PTPRD: variants seen among roughly 807,000 people sequenced by gnomAD.
The protein encoded by PTPRD is receptor-type tyrosine-protein phosphatase delta.
Under a neutral mutation model 214.5 loss-of-function variants are expected in PTPRD, and 34 were observed. The observed-to-expected ratio is 0.16, with a 90% CI of 0.12 to 0.21. The LOEUF (loss-of-function observed/expected upper bound fraction) is 0.21. Among genes scored for constraint, PTPRD ranks in the 10% least tolerant of loss-of-function variants. PTPRD has a pLI of 1.00. For synonymous variants in PTPRD, 1,128 were observed against 845.7 expected, an observed-to-expected ratio of 1.33 and a Z score of -5.79; for missense variants, 2,545 against 2,398.7, an observed-to-expected ratio of 1.06 and a Z score of -1.27.
At chr9:9,479,084 T>C (rs2095266626) in intron 8 of PTPRD, among the ~76,000 whole-genome samples, 1 of 152,064 alleles carries the variant, frequency 6.6e-6, no homozygotes. Context: ...TTTTCTTTCA[T>C]AATGTGTACT....
intron 3 of PTPRD, among the ~76,000 whole-genome samples, chr9:10,213,500 T>C (rs1401403863): frequency 6.6e-6 from 1 of 152,100 alleles, no homozygotes; most frequent in Non-Finnish European, 1.5e-5. Context: ...TAACCAAGAA[T>C]GGGGAAGTTT....
At chr9:10,470,031 C>T (rs79562431) in intron 2 of PTPRD, among the ~76,000 whole-genome samples, 5 of 151,404 alleles carry the variant, frequency 3.3e-5, no homozygotes, top group Non-Finnish European at 5.9e-5. Flanking sequence ...AATAAAGAGG[C>T]GTTGGTTAAC....
chr9:9,420,351 A>G (rs979906914), intron 8 of PTPRD, among the ~76,000 whole-genome samples: 3 of 151,814 alleles, frequency 2.0e-5, no homozygotes, highest in East Asian at 3.9e-4. Flanking sequence ...TTCATTGCTG[A>G]AAATAGGTAG....
intron 5 of PTPRD, among the ~76,000 whole-genome samples, chr9:9,905,570 C>A (rs999271978): frequency 6.6e-6 from 1 of 151,770 alleles, no homozygotes; most frequent in East Asian, 1.9e-4. Context: ...AATAACTATA[C>A]ACATGTGTTC....
At chr9:8,639,001 C>T (rs1255622260) in intron 12 of PTPRD, among the ~76,000 whole-genome samples, 3 of 152,082 alleles carry the variant, frequency 2.0e-5, no homozygotes, top group Non-Finnish European at 4.4e-5. Context: ...TACCACCACG[C>T]TCAGCTAATT....
At chr9:9,891,297 T>A (rs2073238281) in intron 5 of PTPRD, among the ~76,000 whole-genome samples, 1 of 152,140 alleles carries the variant, frequency 6.6e-6, no homozygotes, top group Non-Finnish European at 1.5e-5. Context: ...TATTTTAGAC[T>A]TTTTGTTCCA....
intron 6 of PTPRD, among the ~76,000 whole-genome samples, chr9:9,759,665 C>T (rs573080056): frequency 1.4e-5 from 2 of 148,116 alleles, no homozygotes; most frequent in South Asian, 4.3e-4. Flanking sequence ...TCAAGCAATT[C>T]TCTTGCCTCA....
intron 11 of PTPRD, among the ~76,000 whole-genome samples, chr9:8,892,001 T>C (rs1189333684): frequency 2.0e-5 from 3 of 152,208 alleles, no homozygotes; most frequent in African/African-American, 4.8e-5. Context: ...GTTTTCTTCT[T>C]ATTCGTTCAC....
At chr9:9,381,472 C>T (rs1315986374) in intron 9 of PTPRD, among the ~76,000 whole-genome samples, 1 of 150,664 alleles carries the variant, frequency 6.6e-6, no homozygotes, top group Middle Eastern at 3.2e-3. Context: ...GTAATCTTCT[C>T]ACTATGGCCT....
chr9:9,529,561 C>T (rs2075003555), intron 8 of PTPRD, among the ~76,000 whole-genome samples: 1 of 151,890 alleles, frequency 6.6e-6, no homozygotes, highest in African/African-American at 2.4e-5. Context: ...AAATGCAAAA[C>T]AAAACCACAG....
At chr9:10,285,971 TAGA>T (rs1565035346) in intron 3 of PTPRD, among the ~76,000 whole-genome samples, 1 of 152,142 alleles carries the variant, frequency 6.6e-6, no homozygotes, top group East Asian at 1.9e-4. Context: ...TAGGATTATG[TAGA>T]AGATTAACTT....
Position 8,316,968 on chromosome 9 carries a change from T to A in PTPRD, c.*906A>T. 1 of 231,556 alleles carries A rather than the reference T, an allele frequency of 4.3e-6. No homozygotes were observed. 14.3% of individuals were successfully genotyped at this position (231,556 alleles called of 1,614,324 possible). A position where few individuals can be genotyped will look rare whatever the true frequency, so the allele number is the denominator to read the frequency against. On this transcript the variant is annotated 3_prime_UTR_variant, in exon 46 of 46. Coordinates refer to ENST00000381196, the MANE Select transcript of PTPRD (RefSeq NM_002839.4). ...TATACATAGACACCCTTATAAAATA[T>A]GGATATATATGTATATATGTTAGCA...
chr9:9,701,936 T>A (rs1010060805), intron 7 of PTPRD, among the ~76,000 whole-genome samples: 1 of 152,012 alleles, frequency 6.6e-6, no homozygotes. Context: ...CTGGCCAACA[T>A]GGTGAAACTC....
chr9:10,139,153 C>T (rs11525900), intron 3 of PTPRD, among the ~76,000 whole-genome samples: 34,662 of 151,738 alleles, frequency 0.23, 4,169 homozygotes, highest in South Asian at 0.39. Context: ...AGGAAGATTC[C>T]CCCAAAAGGC....
At chr9:9,165,094 T>G (rs2130702961) in intron 10 of PTPRD, among the ~76,000 whole-genome samples, 1 of 152,148 alleles carries the variant, frequency 6.6e-6, no homozygotes, top group South Asian at 2.1e-4. Flanking sequence ...TACTGGTTTC[T>G]TTTTAAAAAA....
intron 5 of PTPRD, among the ~76,000 whole-genome samples, chr9:9,924,763 C>T (rs973191280): frequency 6.6e-6 from 1 of 152,032 alleles, no homozygotes; most frequent in African/African-American, 2.4e-5. Flanking sequence ...TTAGCTTATT[C>T]CCTTTGACAG....
At chr9:9,321,091 C>A (rs1041311124) in intron 9 of PTPRD, among the ~76,000 whole-genome samples, 15 of 152,222 alleles carry the variant, frequency 9.9e-5, no homozygotes, top group African/African-American at 3.1e-4. Context: ...CACTGAGACA[C>A]AAATTAACAT....
At chr9:9,809,635 C>T (rs1461834044) in intron 5 of PTPRD, among the ~76,000 whole-genome samples, 3 of 152,084 alleles carry the variant, frequency 2.0e-5, no homozygotes, top group Non-Finnish European at 4.4e-5. Context: ...GTCAGTTGTT[C>T]ATGAGAGGGG....
chr9:9,952,073 T>A (rs994791468), intron 4 of PTPRD, among the ~76,000 whole-genome samples: 5 of 152,116 alleles, frequency 3.3e-5, no homozygotes, highest in Non-Finnish European at 7.4e-5. Context: ...AGGCTGAGGA[T>A]GGTAGTAAAA....
Sources: allele counts gnomAD v4.1 joint callset (sites outside exome capture counted in the v4.1 genomes callset), GRCh38; gene constraint gnomAD v4.1.1; transcripts MANE v1.5; gene names NCBI Gene and HGNC (gene_info 2026-07-23, HGNC 2026-07-21).